Variants in AKAP12 observed in about 807,000 individuals in gnomAD.
The protein encoded by AKAP12 is A-kinase anchor protein 12.
Under a neutral mutation model 79.9 loss-of-function variants are expected in AKAP12, and 32 were observed. The ratio of observed to expected loss-of-function variants is 0.40; its 90% CI spans 0.30 to 0.54. The LOEUF (loss-of-function observed/expected upper bound fraction) is 0.54. Among genes scored for constraint, AKAP12 ranks in the 20% least tolerant of loss-of-function variants. The probability of loss-of-function intolerance (pLI) is 0.48; values close to 1 mark genes in which losing one functional copy is unlikely to be tolerated. For missense variants in AKAP12, 2,074 were observed against 2,177.0 expected, an observed-to-expected ratio of 0.95 and a Z score of 0.94; for synonymous variants, 808 against 857.0, an observed-to-expected ratio of 0.94 and a Z score of 1.00.
chr6:151,275,221 AT>A (rs1323470093), intron 2 of AKAP12, among the ~76,000 whole-genome samples: 1 of 152,054 alleles, frequency 6.6e-6, no homozygotes, highest in African/African-American at 2.4e-5. Context: ...CAGCAAGGGG[AT>A]CTAAACCGTT....
intron 2 of AKAP12, among the ~76,000 whole-genome samples, chr6:151,257,723 G>A (rs12201599): frequency 0.029 from 4,454 of 152,184 alleles, 104 homozygotes; most frequent in Non-Finnish European, 0.045. Context: ...CTTTTTTATG[G>A]CTGCATGTCA....
intron 3 of AKAP12, among the ~76,000 whole-genome samples, chr6:151,321,910 T>TTGTTTTTTG: frequency 6.9e-6 from 1 of 145,472 alleles, no homozygotes; most frequent in African/African-American, 2.6e-5. Flanking sequence ...TATGTTTTTT[T>TTGTTTTTTG]TTTTTTTTTT....
At chr6:151,324,886 G>T in intron 3 of AKAP12, 1 of 985,410 alleles carries the variant, frequency 1.0e-6, no homozygotes, top group Non-Finnish European at 1.2e-6. Context: ...GAAATCTTCT[G>T]AACTTTTAAC....
intron 2 of AKAP12, among the ~76,000 whole-genome samples, chr6:151,250,107 T>C (rs1177337322): frequency 1.3e-5 from 2 of 152,128 alleles, no homozygotes; most frequent in Non-Finnish European, 2.9e-5. Flanking sequence ...TAGCCGGGTG[T>C]GGTGGCACAT....
intron 3 of AKAP12, among the ~76,000 whole-genome samples, chr6:151,326,758 A>AC (rs1170614911): frequency 6.6e-6 from 1 of 151,938 alleles, no homozygotes; most frequent in Non-Finnish European, 1.5e-5. Flanking sequence ...TAGGAACAGG[A>AC]CTTCTTTATT....
chr6:151,245,305 C>T (rs111897445), intron 2 of AKAP12, among the ~76,000 whole-genome samples: 6 of 145,334 alleles, frequency 4.1e-5, no homozygotes, highest in African/African-American at 1.2e-4. Context: ...TAAGCCAGTA[C>T]GTTTATCTCT....
intron 2 of AKAP12, among the ~76,000 whole-genome samples, chr6:151,267,956 G>A (rs1562713868): frequency 6.6e-6 from 1 of 152,262 alleles, no homozygotes; most frequent in East Asian, 1.9e-4. Flanking sequence ...AATGGTCATC[G>A]TCCTTGTGCC....
intron 2 of AKAP12, among the ~76,000 whole-genome samples, chr6:151,294,376 G>A (rs1401424867): frequency 2.6e-5 from 4 of 152,162 alleles, no homozygotes; most frequent in African/African-American, 7.2e-5. Flanking sequence ...ATGGGGGGTC[G>A]GGGTTGGGGG....
intron 4 of AKAP12, among the ~76,000 whole-genome samples, chr6:151,354,898 C>G (rs1005281470): frequency 9.2e-5 from 14 of 152,050 alleles, no homozygotes; most frequent in African/African-American, 3.4e-4. Flanking sequence ...CCAGGCTGGT[C>G]TCAAACTCCT....
chr6:151,248,167 C>G (rs1268386622), intron 2 of AKAP12, among the ~76,000 whole-genome samples: 1 of 152,100 alleles, frequency 6.6e-6, no homozygotes, highest in African/African-American at 2.4e-5. Context: ...CCTGGTGGTG[C>G]TATTGAATCA....
At chr6:151,313,753 T>C (rs918819766) in intron 3 of AKAP12, among the ~76,000 whole-genome samples, 3 of 152,208 alleles carry the variant, frequency 2.0e-5, no homozygotes, top group African/African-American at 2.4e-5. Context: ...TCTAGGGCGC[T>C]AGACACGGCT....
intron 2 of AKAP12, among the ~76,000 whole-genome samples, chr6:151,285,533 T>G (rs545481869): frequency 2.6e-5 from 4 of 151,948 alleles, no homozygotes; most frequent in Admixed American, 6.6e-5. Flanking sequence ...TTGAGACAAT[T>G]GAGTATTATA....
intron 3 of AKAP12, among the ~76,000 whole-genome samples, chr6:151,311,458 G>A (rs990562323): frequency 1.3e-5 from 2 of 152,192 alleles, no homozygotes; most frequent in African/African-American, 2.4e-5. Flanking sequence ...CGGTATAGAG[G>A]CGGCTCCCGG....
intron 3 of AKAP12, chr6:151,325,831 G>C: frequency 1.9e-6 from 3 of 1,614,086 alleles, no homozygotes; most frequent in Non-Finnish European, 2.5e-6. Context: ...CCGCTAAGCT[G>C]ATCTCCTGTA....
At chr6:151,288,056 G>A (rs536064243) in intron 2 of AKAP12, among the ~76,000 whole-genome samples, 1 of 151,104 alleles carries the variant, frequency 6.6e-6, no homozygotes, top group East Asian at 2.0e-4. Flanking sequence ...ACACACCGGG[G>A]CCTGTTGGGG....
rs1163997563 is a variant in AKAP12, at chr6:151,324,017, CTG to C, written c.319+18115_319+18116del. The C allele has an allele frequency of 8.1e-6, 8 of 985,424 alleles. No individual in the cohort carries two copies. The East Asian group carries it at 7.9e-4, about 98-fold the overall frequency. 61.0% of individuals were successfully genotyped at this position (985,424 alleles called of 1,614,324 possible). ...CCATGATTTGCACAGCCAGGACACT[CTG>C]GGGCTGGGATTGGGAGGAGAGGAAT... On this transcript the variant is annotated intron_variant, in intron 3 of 4. Transcript: ENST00000402676.
chr6:151,348,316 C>A (rs1476921388), intron 3 of AKAP12: 1 of 423,278 alleles, frequency 2.4e-6, no homozygotes, highest in Non-Finnish European at 4.7e-6. Flanking sequence ...CAGAGTGAGA[C>A]TCTGTCTCAA....
intron 2 of AKAP12, among the ~76,000 whole-genome samples, chr6:151,245,935 A>C (rs1020939807): frequency 1.3e-5 from 2 of 152,208 alleles, no homozygotes; most frequent in African/African-American, 4.8e-5. Context: ...TATCACATAT[A>C]GATTTAGGTT....
chr6:151,291,940 A>G (rs1230470597), intron 2 of AKAP12, among the ~76,000 whole-genome samples: 1 of 152,192 alleles, frequency 6.6e-6, no homozygotes, highest in African/African-American at 2.4e-5. Flanking sequence ...CAGCCAGCAG[A>G]GGTTCTGGCA....
Sources: allele counts gnomAD v4.1 joint callset (sites outside exome capture counted in the v4.1 genomes callset), GRCh38; gene constraint gnomAD v4.1.1; transcripts MANE v1.5; gene names NCBI Gene and HGNC (gene_info 2026-07-23, HGNC 2026-07-21).